MAGI2: variants seen among roughly 807,000 people sequenced by gnomAD.
MAGI2 encodes the protein membrane-associated guanylate kinase, WW and PDZ domain-containing protein 2.
A neutral mutation model predicts 133.3 loss-of-function variants in MAGI2; 35 were observed. The observed-to-expected ratio is 0.26, with a 90% CI of 0.20 to 0.35. The LOEUF (loss-of-function observed/expected upper bound fraction) is 0.35. Among genes scored for constraint, MAGI2 ranks in the 10% least tolerant of loss-of-function variants. The pLI is 1.00. For missense variants in MAGI2, 1,636 were observed against 1,863.4 expected (o/e 0.88, Z 2.25); for synonymous variants, 729 against 710.6 (o/e 1.03, Z -0.41).
At chr7:79,422,150 G>A (rs977247441) in intron 1 of MAGI2, among the ~76,000 whole-genome samples, 2 of 151,986 alleles carry the variant, frequency 1.3e-5, no homozygotes, top group Admixed American at 6.6e-5. Context: ...AGTATTAGTC[G>A]CCTATGGTAT....
intron 7 of MAGI2, among the ~76,000 whole-genome samples, chr7:78,349,968 G>T (rs1334087566): frequency 6.6e-6 from 1 of 152,172 alleles, no homozygotes; most frequent in Non-Finnish European, 1.5e-5. Flanking sequence ...CTTCCATACA[G>T]AACAAGAAGC....
At chr7:78,124,799 A>C (rs1018504544) in intron 20 of MAGI2, among the ~76,000 whole-genome samples, 2 of 152,172 alleles carry the variant, frequency 1.3e-5, no homozygotes, top group African/African-American at 4.8e-5. Flanking sequence ...CAGATGCCTC[A>C]AAGTAATTAT....
intron 6 of MAGI2, among the ~76,000 whole-genome samples, chr7:78,444,735 G>T (rs760077969): frequency 6.9e-6 from 1 of 144,900 alleles, no homozygotes; most frequent in African/African-American, 2.5e-5. Flanking sequence ...CTGTTTTCCC[G>T]GCTCTCCCTC....
intron 2 of MAGI2, among the ~76,000 whole-genome samples, chr7:78,823,208 G>A (rs1790278625): frequency 6.6e-6 from 1 of 152,196 alleles, no homozygotes; most frequent in Admixed American, 6.5e-5. Context: ...TCATTGCAGA[G>A]TGGAACTGGT....
chr7:79,248,729 T>C (rs1026168738), intron 1 of MAGI2, among the ~76,000 whole-genome samples: 6 of 151,984 alleles, frequency 3.9e-5, no homozygotes, highest in Middle Eastern at 3.4e-3. Flanking sequence ...TTGGAAACTA[T>C]ACAAACACAT....
At chr7:78,946,155 A>C (rs1801400381) in intron 2 of MAGI2, among the ~76,000 whole-genome samples, 1 of 152,200 alleles carries the variant, frequency 6.6e-6, no homozygotes, top group Non-Finnish European at 1.5e-5. Context: ...AAAGCTGTTT[A>C]ATATAATTGT....
In MAGI2 at chr7:78,135,687, A is replaced by G. The variant is rs116533697; in HGVS notation, c.2846-481T>C. Among the ~76,000 whole-genome samples, 657 of 152,334 alleles carry G rather than the reference A, an allele frequency of 4.3e-3. 5 individuals are homozygous for G. Among genetic ancestry groups the G allele is most frequent in the African/African-American group, 0.015 (621 of 41,570 alleles). Reference sequence around the variant, plus strand: ...AGCTACAATAAATGCCAGAAATTCAATTTCTATCCTTTTATTATTTTATTG... The same window carrying G: ...AGCTACAATAAATGCCAGAAATTCAGTTTCTATCCTTTTATTATTTTATTG... On this transcript the variant is annotated intron_variant, in intron 16 of 21. Coordinates refer to ENST00000354212, the MANE Select transcript of MAGI2 (RefSeq NM_012301.4).
intron 21 of MAGI2, among the ~76,000 whole-genome samples, chr7:78,053,751 G>T (rs1812267361): frequency 6.6e-6 from 1 of 152,124 alleles, no homozygotes; most frequent in African/African-American, 2.4e-5. Context: ...GTGGATTAAG[G>T]AACGATCAGG....
At chr7:78,580,214 AAC>A (rs1247539324) in intron 3 of MAGI2, among the ~76,000 whole-genome samples, 3 of 152,194 alleles carry the variant, frequency 2.0e-5, no homozygotes, top group Admixed American at 2.0e-4. Flanking sequence ...ATAGATCAAA[AAC>A]ACACATGCTA....
chr7:79,299,040 C>T (rs1304844372), intron 1 of MAGI2, among the ~76,000 whole-genome samples: 1 of 152,094 alleles, frequency 6.6e-6, no homozygotes, highest in East Asian at 1.9e-4. Flanking sequence ...TTTTGATGCT[C>T]ATGCCACATA....
intron 3 of MAGI2, among the ~76,000 whole-genome samples, chr7:78,606,486 GAAGA>G (rs1041832486): frequency 9.9e-5 from 15 of 152,196 alleles, no homozygotes; most frequent in African/African-American, 3.6e-4. Context: ...GGAGAACCAG[GAAGA>G]AAGAAGAGAG....
chr7:79,449,877 C>CATATATATATATATATATATATATATAT (rs59881896), intron 1 of MAGI2, among the ~76,000 whole-genome samples: 61 of 120,596 alleles, frequency 5.1e-4, no homozygotes, highest in African/African-American at 1.8e-3. Context: ...GAGATATATA[C>CATATATATATATATATATATATATATAT]ATATATATAT....
intron 20 of MAGI2, among the ~76,000 whole-genome samples, chr7:78,084,830 C>T (rs1315863182): frequency 6.6e-6 from 1 of 152,192 alleles, no homozygotes; most frequent in East Asian, 1.9e-4. Flanking sequence ...AGGCTGATTT[C>T]CAACTTGATG....
intron 2 of MAGI2, among the ~76,000 whole-genome samples, chr7:78,981,699 G>T (rs1351177534): frequency 1.3e-5 from 2 of 151,524 alleles, no homozygotes; most frequent in African/African-American, 2.4e-5. Flanking sequence ...TTCCCATGTG[G>T]GAGCCCATGG....
chr7:78,371,839 A>G (rs1280985707), intron 6 of MAGI2, among the ~76,000 whole-genome samples: 1 of 152,082 alleles, frequency 6.6e-6, no homozygotes, highest in Non-Finnish European at 1.5e-5. Context: ...ATTATATGTC[A>G]TACACATTTG....
chr7:78,168,043 A>G lies in MAGI2; in HGVS notation c.2469T>C (p.Asp823=), dbSNP rs766615250. 3 of 1,613,296 alleles carry G rather than the reference A, an allele frequency of 1.9e-6. No individual in the cohort carries two copies. Among genetic ancestry groups the G allele is most frequent in the South Asian group, 2.2e-5 (2 of 91,050 alleles). Residue 823 remains aspartate (D), a synonymous_variant, in exon 15 of 22, where the codon GAT becomes GAC. Transcript: ENST00000354212. ...ADRDGRLHPG[D]ELVYVDGIPV... is the part of the protein sequence containing the mutation. ...GAATCCCATCAACATACACAAGCTC[A>G]TCTCCTGGGTGAAGGCGGCCATCTC...
At chr7:79,143,894 A>AATACCATTTT (rs1242019495) in intron 1 of MAGI2, among the ~76,000 whole-genome samples, 3 of 152,214 alleles carry the variant, frequency 2.0e-5, no homozygotes, top group Admixed American at 6.5e-5. Flanking sequence ...TCATGTAATA[A>AATACCATTTT]ATACCATTTT....
At chr7:78,268,172 T>A (rs957920805) in intron 9 of MAGI2, among the ~76,000 whole-genome samples, 5 of 152,104 alleles carry the variant, frequency 3.3e-5, no homozygotes, top group African/African-American at 1.2e-4. Flanking sequence ...AAATCTAGTA[T>A]GAGTTTTATA....
At chr7:79,427,148 T>G (rs1379722690) in intron 1 of MAGI2, among the ~76,000 whole-genome samples, 3 of 152,164 alleles carry the variant, frequency 2.0e-5, no homozygotes, top group Non-Finnish European at 2.9e-5. Flanking sequence ...TATTCTTCAT[T>G]CAATAAATAT....
Sources: allele counts gnomAD v4.1 joint callset (sites outside exome capture counted in the v4.1 genomes callset), GRCh38; gene constraint gnomAD v4.1.1; transcripts MANE v1.5; gene names NCBI Gene and HGNC (gene_info 2026-07-23, HGNC 2026-07-21).